Variants in NDUFAF2 observed in about 807,000 individuals in gnomAD.
NDUFAF2 encodes NADH:ubiquinone oxidoreductase complex assembly factor 2.
NDUFAF2 carries 13 observed loss-of-function variants against 22.8 expected under a neutral mutation model. The ratio of observed to expected loss-of-function variants is 0.57; its 90% confidence interval spans 0.37 to 0.91. The LOEUF (loss-of-function observed/expected upper bound fraction) is 0.91. Among genes scored for constraint, NDUFAF2 ranks in the 40% least tolerant of loss-of-function variants. NDUFAF2 has a pLI of 0.01. For synonymous variants in NDUFAF2, 53 were observed against 64.2 expected (o/e 0.83, Z 0.84); for missense variants, 162 against 195.2 (o/e 0.83, Z 1.01).
At chr5:60,989,734 T>C (rs1448861404) in intron 1 of NDUFAF2, among the ~76,000 whole-genome samples, 1 of 152,026 alleles carries the variant, frequency 6.6e-6, no homozygotes, top group African/African-American at 2.4e-5. Flanking sequence ...CAACAGACAC[T>C]GGGACAAACT....
intron 1 of NDUFAF2, among the ~76,000 whole-genome samples, chr5:61,031,196 G>C (rs1053777955): frequency 9.2e-5 from 14 of 151,864 alleles, no homozygotes; most frequent in Admixed American, 2.0e-4. Flanking sequence ...TTGAGTTTTG[G>C]GATACATGTG....
chr5:61,034,276 T>G (rs1035536963), intron 1 of NDUFAF2, among the ~76,000 whole-genome samples: 9 of 152,182 alleles, frequency 5.9e-5, no homozygotes, highest in African/African-American at 2.2e-4. Flanking sequence ...AGTACAGTTA[T>G]GTGTCACTTA....
intron 1 of NDUFAF2, among the ~76,000 whole-genome samples, chr5:60,947,048 A>G (rs1750470766): frequency 6.6e-6 from 1 of 152,182 alleles, no homozygotes; most frequent in Non-Finnish European, 1.5e-5. Context: ...GGATGTTTCC[A>G]GTTTCTGTGA....
chr5:61,138,371 G>T (rs1740995674), intron 3 of NDUFAF2, among the ~76,000 whole-genome samples: 1 of 152,164 alleles, frequency 6.6e-6, no homozygotes, highest in South Asian at 2.1e-4. Flanking sequence ...CTAGGTAAAT[G>T]TAGGAGGTAA....
At chr5:60,968,673 A>G (rs1750789392) in intron 1 of NDUFAF2, among the ~76,000 whole-genome samples, 1 of 152,016 alleles carries the variant, frequency 6.6e-6, no homozygotes, top group African/African-American at 2.4e-5. Context: ...AATCAGGGGT[A>G]TTCATCACCT....
intron 1 of NDUFAF2, among the ~76,000 whole-genome samples, chr5:61,068,019 A>C (rs778855873): frequency 2.0e-5 from 3 of 152,146 alleles, no homozygotes; most frequent in African/African-American, 7.2e-5. Flanking sequence ...TATACAATGA[A>C]ATTTATTTTA....
intron 1 of NDUFAF2, among the ~76,000 whole-genome samples, chr5:61,064,114 A>T (rs1405588032): frequency 1.3e-5 from 2 of 152,134 alleles, no homozygotes; most frequent in East Asian, 3.9e-4. Context: ...ATGATAAAAT[A>T]GACTTCAAGT....
intron 3 of NDUFAF2, among the ~76,000 whole-genome samples, chr5:61,125,221 G>GA (rs1295881926): frequency 6.6e-6 from 1 of 151,900 alleles, no homozygotes; most frequent in African/African-American, 2.4e-5. Context: ...TTTTTTAATG[G>GA]AAAATGTTAA....
intron 1 of NDUFAF2, among the ~76,000 whole-genome samples, chr5:60,978,579 T>C (rs1013981670): frequency 2.0e-5 from 3 of 152,152 alleles, no homozygotes; most frequent in Admixed American, 1.3e-4. Context: ...ATTGCGATGA[T>C]AGCACCAAGG....
chr5:61,094,851 C>G (rs1431032330), intron 2 of NDUFAF2, among the ~76,000 whole-genome samples: 1 of 152,128 alleles, frequency 6.6e-6, no homozygotes, highest in African/African-American at 2.4e-5. Flanking sequence ...GAGCTCCTTC[C>G]CAGGGAGATA....
rs1326058723 is a variant in NDUFAF2, at chr5:61,064,601, G to T, written c.128-8524G>T. On this transcript the variant is annotated intron_variant, in intron 1 of 3. Coordinates refer to ENST00000296597, the MANE Select transcript of NDUFAF2 (RefSeq NM_174889.5). Reference sequence around the variant, plus strand: ...GGAACCTTGGAAAATTAACAAATATGTGGAAATTTAAAAACATGCTCCTGA... The same window carrying T: ...GGAACCTTGGAAAATTAACAAATATTTGGAAATTTAAAAACATGCTCCTGA... 2.0e-5 allele frequency among the ~76,000 whole-genome samples: 3 copies of T among 151,938 alleles called. No individual in the cohort carries two copies. The East Asian group carries it at 5.8e-4, about 29-fold the overall frequency.
At chr5:61,037,681 C>G (rs1450294386) in intron 1 of NDUFAF2, among the ~76,000 whole-genome samples, 1 of 151,990 alleles carries the variant, frequency 6.6e-6, no homozygotes, top group Non-Finnish European at 1.5e-5. Context: ...GTGAAAGAAC[C>G]CATCCCCTTT....
At chr5:61,119,610 T>C (rs1387795088) in intron 3 of NDUFAF2, among the ~76,000 whole-genome samples, 1 of 152,192 alleles carries the variant, frequency 6.6e-6, no homozygotes, top group Admixed American at 6.5e-5. Flanking sequence ...CTAGCATTTC[T>C]ACCTCCCCAA....
intron 3 of NDUFAF2, among the ~76,000 whole-genome samples, chr5:61,123,902 C>A (rs1753004899): frequency 6.6e-6 from 1 of 151,994 alleles, no homozygotes; most frequent in Non-Finnish European, 1.5e-5. Flanking sequence ...TATGATCTGA[C>A]CCTGTTATTT....
At chr5:60,966,717 C>G (rs530529514) in intron 1 of NDUFAF2, among the ~76,000 whole-genome samples, 1 of 151,932 alleles carries the variant, frequency 6.6e-6, no homozygotes, top group Non-Finnish European at 1.5e-5. Flanking sequence ...GTGGTCTTTG[C>G]GCTAATACCA....
intron 1 of NDUFAF2, among the ~76,000 whole-genome samples, chr5:61,027,398 ATGCT>A (rs1276564303): frequency 6.6e-6 from 1 of 151,820 alleles, no homozygotes; most frequent in Non-Finnish European, 1.5e-5. Flanking sequence ...GAGTCTATAA[ATGCT>A]TGCTTTGTCA....
intron 1 of NDUFAF2, among the ~76,000 whole-genome samples, chr5:61,040,621 A>G (rs1448155230): frequency 1.3e-5 from 2 of 152,010 alleles, no homozygotes; most frequent in Admixed American, 6.6e-5. Flanking sequence ...TTGAGAGGAG[A>G]ACTGTGTCAC....
intron 1 of NDUFAF2, among the ~76,000 whole-genome samples, chr5:60,999,217 C>G (rs1461862365): frequency 1.3e-5 from 2 of 151,964 alleles, no homozygotes; most frequent in African/African-American, 2.4e-5. Context: ...CAATTCCACT[C>G]CTAGGTATAT....
chr5:61,002,987 T>C (rs1168716404), intron 1 of NDUFAF2, among the ~76,000 whole-genome samples: 2 of 152,174 alleles, frequency 1.3e-5, no homozygotes, highest in Admixed American at 1.3e-4. Flanking sequence ...TAGGACTTAC[T>C]CTTTCTTCTG....
Sources: allele counts gnomAD v4.1 joint callset (sites outside exome capture counted in the v4.1 genomes callset), GRCh38; gene constraint gnomAD v4.1.1; transcripts MANE v1.5; gene names NCBI Gene and HGNC (gene_info 2026-07-23, HGNC 2026-07-21).